DDX6: variants seen among roughly 807,000 people sequenced by gnomAD.
DDX6 encodes DEAD-box helicase 6, also known as probable ATP-dependent RNA helicase DDX6.
Under a neutral mutation model 60.6 loss-of-function variants are expected in DDX6, and 7 were observed. That is an observed-to-expected ratio of 0.12 (90% confidence interval 0.07 to 0.22). The LOEUF (loss-of-function observed/expected upper bound fraction) is 0.22, where lower values mean the gene tolerates loss of function less well. DDX6 is among the 10% of genes least tolerant of loss of function. The probability of loss-of-function intolerance (pLI) is 1.00; values close to 1 mark genes in which losing one functional copy is unlikely to be tolerated. For synonymous variants in DDX6, 207 were observed against 201.0 expected, an observed-to-expected ratio of 1.03 and a Z score of -0.25; for missense variants, 270 against 589.9, an observed-to-expected ratio of 0.46 and a Z score of 5.62.
chr11:118,784,935 G>A (rs948459182), intron 2 of DDX6, among the ~76,000 whole-genome samples: 13 of 152,030 alleles, frequency 8.6e-5, no homozygotes, highest in African/African-American at 2.9e-4. Flanking sequence ...TAGTAGAGAC[G>A]GGGTTTATTT....
chr11:118,756,439 G>A (rs2137420610), intron 10 of DDX6, 116 bp from the exon 11 acceptor site: 1 of 648,800 alleles, frequency 1.5e-6, no homozygotes, highest in East Asian at 3.1e-5. Context: ...AGTGATCCAT[G>A]ATATTAAGCT....
At chr11:118,775,459 C>G (rs887993784) in intron 4 of DDX6, among the ~76,000 whole-genome samples, 10 of 152,168 alleles carry the variant, frequency 6.6e-5, no homozygotes, top group African/African-American at 1.9e-4. Flanking sequence ...TGACTTGTAA[C>G]TCTGATTGAT....
chr11:118,773,863 C>CA (rs199977052), intron 4 of DDX6, among the ~76,000 whole-genome samples: 25,142 of 144,580 alleles, frequency 0.17, 2,306 homozygotes, highest in South Asian at 0.29. Flanking sequence ...AAACACACAC[C>CA]AAAAAAAAAA....
At chr11:118,753,686 ATTTGCTAATAAGGTATTATGGATAG>A (rs2137406052) in intron 13 of DDX6, among the ~76,000 whole-genome samples, 1 of 152,236 alleles carries the variant, frequency 6.6e-6, no homozygotes, top group African/African-American at 2.4e-5. Context: ...CTGATTAAAC[ATTTGCTAATAAGGTATTATGGATAG>A]TTTTATCAGA....
chr11:118,753,994 G>T (rs1452369456), intron 13 of DDX6, among the ~76,000 whole-genome samples: 2 of 152,110 alleles, frequency 1.3e-5, no homozygotes, highest in Non-Finnish European at 2.9e-5. Flanking sequence ...TACTTGGGAG[G>T]CTGAGGTGCA....
chr11:118,756,372 C>T (rs1555158949), intron 10 of DDX6, 49 bp from the exon 11 acceptor site: 2 of 1,392,888 alleles, frequency 1.4e-6, no homozygotes, highest in African/African-American at 2.8e-5. Context: ...TATACAGCCC[C>T]AAATTTCCCA....
intron 2 of DDX6, 57 bp downstream of exon 2, chr11:118,785,995 G>GT: frequency 6.5e-7 from 1 of 1,532,050 alleles, no homozygotes. Flanking sequence ...CAACACCAAA[G>GT]TAACACAAAT....
chr11:118,749,361 A>AGAAAG lies in DDX6; in HGVS notation c.*2743_*2744insCTTTC, dbSNP rs1475721659. 1 of 140,462 alleles carries AGAAAG rather than the reference A, an allele frequency of 7.1e-6. No individual in the cohort carries two copies. The highest frequency in any genetic ancestry group is 1.5e-5 in the Non-Finnish European group (1 of 65,436). The allele number at this position is 140,462 out of a possible 1,614,324, so 8.7% of individuals were successfully genotyped here. A position where few individuals can be genotyped will look rare whatever the true frequency, so the allele number is the denominator to read the frequency against. ...TTATGAGGGCCCAAAAAAGAAAGAAAAAAAAAAAAAAAAAAAAAAAGACCA... is the reference window on the plus strand; with the variant it reads ...TTATGAGGGCCCAAAAAAGAAAGAAAGAAAGAAAAAAAAAAAAAAAAAAAAGACCA... On this transcript the variant is annotated 3_prime_UTR_variant, in exon 14 of 14. Transcript: ENST00000534980.
At position 118,786,333 on chromosome 11, in the gene DDX6, C is replaced by T; in HGVS notation, c.-82G>A. On this transcript the variant is annotated 5_prime_UTR_variant, in exon 2 of 14. Coordinates refer to ENST00000534980, the MANE Select transcript of DDX6 (RefSeq NM_004397.6). ...AACTGTAATAACAGTTTATTAGGCT[C>T]TCCAAAATGAAGAGATAAATATAAG... 8.2e-7 allele frequency: 1 copy of T among 1,214,090 alleles called. No homozygotes were observed. 75.2% of individuals were successfully genotyped at this position (1,214,090 alleles called of 1,614,324 possible). A position where few individuals can be genotyped will look rare whatever the true frequency, so the allele number is the denominator to read the frequency against.
chr11:118,779,412 G>A (rs1176182355), intron 4 of DDX6, among the ~76,000 whole-genome samples: 1 of 152,124 alleles, frequency 6.6e-6, no homozygotes, highest in African/African-American at 2.4e-5. Context: ...GAAGGTAACT[G>A]TACTGTGGTT....
chr11:118,753,112 T>C (rs1196472152), intron 13 of DDX6, among the ~76,000 whole-genome samples: 1 of 152,138 alleles, frequency 6.6e-6, no homozygotes, highest in Non-Finnish European at 1.5e-5. Flanking sequence ...CACTGCAACC[T>C]CTGCCTCCCA....
chr11:118,777,709 T>C (rs1214879818), intron 4 of DDX6, among the ~76,000 whole-genome samples: 3 of 151,888 alleles, frequency 2.0e-5, no homozygotes, highest in Non-Finnish European at 4.4e-5. Flanking sequence ...GTCTACAGGG[T>C]GAAACCCTGT....
At chr11:118,762,175 C>G (rs1861193106) in intron 7 of DDX6, among the ~76,000 whole-genome samples, 1 of 151,494 alleles carries the variant, frequency 6.6e-6, no homozygotes, top group Non-Finnish European at 1.5e-5. Context: ...ACTCAGAAGG[C>G]TGAGGCATAA....
chr11:118,764,081 C>T (rs183613993), intron 6 of DDX6, among the ~76,000 whole-genome samples: 2 of 152,156 alleles, frequency 1.3e-5, no homozygotes, highest in African/African-American at 2.4e-5. Flanking sequence ...AGAAGGCACA[C>T]CAGACTTCTG....
intron 3 of DDX6, among the ~76,000 whole-genome samples, chr11:118,780,048 G>C (rs190089360): frequency 4.2e-5 from 6 of 143,782 alleles, no homozygotes; most frequent in Non-Finnish European, 6.0e-5. Context: ...CCCAGGAGAC[G>C]GAGGTTGCAG....
chr11:118,790,681 A>C (rs1862243465), intron 1 of DDX6, among the ~76,000 whole-genome samples: 3 of 151,770 alleles, frequency 2.0e-5, no homozygotes, highest in Admixed American at 1.3e-4. Flanking sequence ...CCTGCTGCGC[A>C]CCACATTCCT....
Position 118,770,763 on chromosome 11 carries a change from T to C in DDX6, c.370-2411A>G, listed in dbSNP as rs554962785. On this transcript the variant is annotated intron_variant, in intron 4 of 13. Coordinates refer to ENST00000534980, the MANE Select transcript of DDX6 (RefSeq NM_004397.6). ...AAATGGTCATGGTGCGCACCTGTAGTCCCAGCTACTTGGGAGCCTGAGGTA... is the reference window on the plus strand; with the variant it reads ...AAATGGTCATGGTGCGCACCTGTAGCCCCAGCTACTTGGGAGCCTGAGGTA... Among the ~76,000 whole-genome samples the C allele has an allele frequency of 5.9e-5, 9 of 151,648 alleles. No homozygotes were observed. The East Asian group carries it at 1.8e-3, about 30-fold the overall frequency.
chr11:118,753,467 G>C (rs1860852464), intron 13 of DDX6, among the ~76,000 whole-genome samples: 1 of 150,684 alleles, frequency 6.6e-6, no homozygotes, highest in Non-Finnish European at 1.5e-5. Context: ...AGCCTCCCGA[G>C]TAGCTGGGAC....
intron 5 of DDX6, among the ~76,000 whole-genome samples, chr11:118,766,868 T>C (rs532055581): frequency 1.3e-5 from 2 of 149,810 alleles, no homozygotes; most frequent in Admixed American, 1.3e-4. Flanking sequence ...TGTGAGTCAC[T>C]GCACCTGGCC....
Sources: allele counts gnomAD v4.1 joint callset (sites outside exome capture counted in the v4.1 genomes callset), GRCh38; gene constraint gnomAD v4.1.1; transcripts MANE v1.5; gene names NCBI Gene and HGNC (gene_info 2026-07-23, HGNC 2026-07-21).